Variants in COL20A1 observed in about 807,000 individuals in gnomAD.
COL20A1 encodes collagen alpha-1(XX) chain.
A neutral mutation model predicts 152.9 loss-of-function variants in COL20A1; 164 were observed. The ratio of observed to expected loss-of-function variants is 1.07; its 90% CI spans 0.94 to 1.22. The LOEUF is 1.22. Ranked by LOEUF, COL20A1 falls within the 50% of genes most tolerant of loss-of-function variation. The pLI, the probability that COL20A1 is intolerant of heterozygous loss-of-function variation, is 0.00. For missense variants in COL20A1, 1,873 were observed against 1,744.8 expected, an observed-to-expected ratio of 1.07 and a Z score of -1.31; for synonymous variants, 864 against 756.0, an observed-to-expected ratio of 1.14 and a Z score of -2.34.
chr20:63,311,921 C>G lies in COL20A1; in HGVS notation c.1669C>G (p.Leu557Val). The change falls in exon 14 of 36, where the codon CTG (leucine) becomes GTG (valine). Residue 557 changes from leucine to valine, a missense_variant. By Grantham distance (32) the Leu-to-Val change is conservative (BLOSUM62 1). Coordinates refer to ENST00000358894, the MANE Select transcript of COL20A1 (RefSeq NM_020882.4). This position sits in a 1 kb window ranked among gnomAD's most constrained non-coding sequence, Gnocchi z 4.4. The part of the protein sequence containing the change: ...ARGIRARTPT[L>V]APPRHLGFSD... ...GGCTCTGCTGTGCTTTGCAGCCACC[C>G]TGGCCCCCCCGAGACACCTGGGCTT... 6.4e-7 allele frequency: 1 copy of G among 1,552,392 alleles called. No individual in the cohort carries two copies. The highest frequency in any genetic ancestry group is 2.4e-5 in the East Asian group (1 of 42,342).
intron 20 of COL20A1, among the ~76,000 whole-genome samples, chr20:63,315,804 G>A (rs904894423): frequency 1.2e-4 from 19 of 152,220 alleles, no homozygotes; most frequent in Non-Finnish European, 2.8e-4. Context: ...TCCCCAGAGA[G>A]GGGCTGAGAG....
chr20:63,295,219 G>T, intron 2 of COL20A1, 30 bp downstream of exon 2: 2 of 1,482,242 alleles, frequency 1.3e-6, no homozygotes, highest in Non-Finnish European at 1.8e-6. Context: ...GCCCCTGCTT[G>T]CCCCGAGGCC....
intron 27 of COL20A1, among the ~76,000 whole-genome samples, chr20:63,323,141 G>GT (rs1275804437): frequency 3.9e-5 from 6 of 152,248 alleles, no homozygotes; most frequent in African/African-American, 1.4e-4. Context: ...TCCAAGCAGC[G>GT]TGAATGCCCT....
At chr20:63,320,679 C>G (rs926348637) in intron 25 of COL20A1, among the ~76,000 whole-genome samples, 3 of 25,946 alleles carry the variant, frequency 1.2e-4, no homozygotes, top group African/African-American at 1.3e-4. Context: ...CCCTCTCATC[C>G]TCAGTGACTC....
In COL20A1 at chr20:63,312,429, C is replaced by T. The variant is rs949492301; in HGVS notation, c.1813C>T (p.Pro605Ser). 6.3e-7 allele frequency: 1 copy of T among 1,593,944 alleles called. No homozygotes were observed. The highest frequency in any genetic ancestry group is 1.3e-5 in the African/African-American group (1 of 74,432). Residue 605 changes from proline to serine, a missense_variant, in exon 15 of 36, where the codon CCT becomes TCT. Physicochemically the swap from Pro to Ser is moderately conservative, Grantham distance 74. Transcript: ENST00000358894. ...CTCCCACCTGCTGCAGACAGAGGCT[C>T]CTGGGAACGCCACCTCGGCCACGCT... ...EGGHSGQTEAPGNATSATLGP... is the reference protein window; with the variant it reads ...EGGHSGQTEASGNATSATLGP...
rs774785628 is a variant in COL20A1 at position 63,309,890 on chromosome 20, C to T, written c.1238C>T (p.Ala413Val). 6.2e-7 allele frequency: 1 copy of T among 1,607,364 alleles called. No individual in the cohort carries two copies. Among genetic ancestry groups the T allele is most frequent in the Non-Finnish European group, 8.5e-7 (1 of 1,177,518 alleles). Residue 413 changes from alanine to valine, a missense_variant, in exon 10 of 36, where the codon GCC (alanine) becomes GTC (valine). Coordinates refer to ENST00000358894, the MANE Select transcript of COL20A1 (RefSeq NM_020882.4). ...CTCAAGTATCTGATCGTTTGGCGAG[C>T]CTCTAGAGGTGGCACCCCCAGGGAG... ...HPLKYLIVWRASRGGTPREVV... is the reference protein window; with the variant it reads ...HPLKYLIVWRVSRGGTPREVV...
intron 31 of COL20A1, 39 bp downstream of exon 31, chr20:63,326,862 G>C: frequency 7.0e-7 from 1 of 1,427,930 alleles, no homozygotes; most frequent in Non-Finnish European, 9.2e-7. Flanking sequence ...AACCAAAGGT[G>C]GGGGAGCGAA....
chr20:63,313,187 C>G lies in COL20A1; in HGVS notation c.2147C>G (p.Thr716Ser). 1 of 1,612,554 alleles carries G rather than the reference C, an allele frequency of 6.2e-7. No homozygotes were observed. The highest frequency in any genetic ancestry group is 8.5e-7 in the Non-Finnish European group (1 of 1,179,730). Residue 716 changes from threonine (T) to serine (S), a missense_variant, in exon 17 of 36, where the codon ACC becomes AGC. Transcript: ENST00000358894. The surrounding 1 kb of genome is among the most constrained non-coding windows in gnomAD (Gnocchi z 5.9). Reference sequence around the variant, plus strand: ...GGGAGGCACACAGAGTACGACGTCACCATCTTGGCCTACTACAGGGACGGG... The same window carrying G: ...GGGAGGCACACAGAGTACGACGTCAGCATCTTGGCCTACTACAGGGACGGG... ...GLGRHTEYDVTILAYYRDGAR... is the reference protein window; with the variant it reads ...GLGRHTEYDVSILAYYRDGAR...
rs1183148163 is a variant in COL20A1 at position 63,313,262 on chromosome 20, C to G, written c.2209+13C>G. 1 of 1,602,116 alleles carries G rather than the reference C, an allele frequency of 6.2e-7. No homozygotes were observed. The highest frequency in any genetic ancestry group is 8.5e-7 in the Non-Finnish European group (1 of 1,172,880). On this transcript the variant is annotated intron_variant, in intron 17 of 35. Transcript: ENST00000358894. This position sits in a 1 kb window ranked among gnomAD's most constrained non-coding sequence, Gnocchi z 5.9. ...CGCTATACCCCCTGTAGGTGCCCCT[C>G]CACTTCCCCTCTGCTGGGTGTGGGG...
chr20:63,329,797 C>T (rs1201415842), intron 35 of COL20A1, 136 bp downstream of exon 35: 15 of 634,560 alleles, frequency 2.4e-5, no homozygotes, highest in South Asian at 1.8e-4. Context: ...CAGAGGCAGG[C>T]GAGGTGGCCC....
chr20:63,297,042 C>G (rs2067802914), intron 2 of COL20A1, among the ~76,000 whole-genome samples: 1 of 152,234 alleles, frequency 6.6e-6, no homozygotes, highest in Non-Finnish European at 1.5e-5. Flanking sequence ...GGACACCCAT[C>G]CCCCATCGCG....
chr20:63,310,310 G>C, intron 10 of COL20A1, 71 bp from the exon 11 acceptor site: 1 of 1,543,982 alleles, frequency 6.5e-7, no homozygotes, highest in South Asian at 1.2e-5. Flanking sequence ...TCCAGCTGAC[G>C]GAGTTCCTGT....
Position 63,313,805 on chromosome 20 carries a change from C to G in COL20A1, c.2272C>G (p.Gln758Glu). The G allele has an allele frequency of 6.2e-7, 1 of 1,610,958 alleles. No individual in the cohort carries two copies. The highest frequency in any genetic ancestry group is 8.5e-7 in the Non-Finnish European group (1 of 1,179,212). ...GGCCTCGGAGACCCCCGACAGCCTG[C>G]AGGTCAGCTGGACGCCCCCGCTTGG... Reference protein sequence around the residue: ...ALASETPDSLQVSWTPPLGRV... With the variant: ...ALASETPDSLEVSWTPPLGRV... The change falls in exon 18 of 36, where the codon CAG becomes GAG. Residue 758 changes from glutamine (Q) to glutamate (E), a missense_variant. Gln to Glu is a conservative substitution (Grantham distance 29). Coordinates refer to ENST00000358894, the MANE Select transcript of COL20A1 (RefSeq NM_020882.4). This position sits in a 1 kb window ranked among gnomAD's most constrained non-coding sequence, Gnocchi z 5.9.
chr20:63,297,227 G>C (rs1183845482), intron 2 of COL20A1, among the ~76,000 whole-genome samples: 1 of 152,170 alleles, frequency 6.6e-6, no homozygotes, highest in Non-Finnish European at 1.5e-5. Context: ...ACTTGTCCTG[G>C]GGACCCAGCC....
chr20:63,316,895 T>A (rs1443889272), intron 21 of COL20A1, among the ~76,000 whole-genome samples: 3 of 152,214 alleles, frequency 2.0e-5, no homozygotes, highest in Admixed American at 6.5e-5. Context: ...AAAATCTCCA[T>A]GGGCAGAGTG....
chr20:63,308,994 C>G (rs754609342), intron 8 of COL20A1, among the ~76,000 whole-genome samples: 79 of 152,310 alleles, frequency 5.2e-4, no homozygotes, highest in Admixed American at 8.5e-4. Flanking sequence ...TCCAGCTGCC[C>G]CCTCTGGCCA....
intron 9 of COL20A1, 117 bp from the exon 10 acceptor site, chr20:63,309,641 C>A (rs912661470): frequency 7.9e-7 from 1 of 1,260,502 alleles, no homozygotes; most frequent in African/African-American, 1.5e-5. Flanking sequence ...TTACATCTGT[C>A]CACAGAAGGG....
At chr20:63,325,532 G>A (rs1446152707) in intron 28 of COL20A1, 38 bp downstream of exon 28, 16 of 1,594,820 alleles carry the variant, frequency 1.0e-5, no homozygotes, top group Non-Finnish European at 1.2e-5. Context: ...AGGGGTTGGT[G>A]GGGGTGGGGG....
chr20:63,301,262 C>T (rs538271178), intron 3 of COL20A1, among the ~76,000 whole-genome samples: 7 of 152,276 alleles, frequency 4.6e-5, no homozygotes, highest in South Asian at 4.2e-4. Context: ...TTGCAGTGAG[C>T]CGAGATGGCA....
Sources: allele counts gnomAD v4.1 joint callset (sites outside exome capture counted in the v4.1 genomes callset), GRCh38; gene constraint gnomAD v4.1.1; non-coding constraint Gnocchi (gnomAD v3.1); transcripts MANE v1.5; gene names NCBI Gene and HGNC (gene_info 2026-07-23, HGNC 2026-07-21).